The following RBMS1 variants were observed in gnomAD, a reference collection of about 807,000 sequenced individuals.
RBMS1 encodes RNA-binding motif, single-stranded-interacting protein 1.
Under a neutral mutation model 62.3 loss-of-function variants are expected in RBMS1, and 17 were observed. The ratio of observed to expected loss-of-function variants is 0.27; its 90% CI spans 0.19 to 0.41. The LOEUF (loss-of-function observed/expected upper bound fraction) is 0.41, where lower values mean the gene tolerates loss of function less well. Among genes scored for constraint, RBMS1 ranks in the 10% least tolerant of loss-of-function variants. RBMS1 has a pLI of 1.00. For missense variants in RBMS1, 334 were observed against 504.5 expected (o/e 0.66, Z 3.24); for synonymous variants, 172 against 170.0 (o/e 1.01, Z -0.09).
intron 6 of RBMS1, among the ~76,000 whole-genome samples, chr2:160,298,125 A>T (rs1021009982): frequency 2.0e-5 from 3 of 152,220 alleles, no homozygotes; most frequent in African/African-American, 7.2e-5. Context: ...GAGAAGGTAG[A>T]TTCTAGAAAT....
intron 1 of RBMS1, among the ~76,000 whole-genome samples, chr2:160,491,093 C>T (rs1483718765): frequency 2.1e-5 from 2 of 96,444 alleles, no homozygotes; most frequent in Non-Finnish European, 4.1e-5. Context: ...ATGCTACCAA[C>T]AGATACATAA....
intron 5 of RBMS1, among the ~76,000 whole-genome samples, chr2:160,300,967 AGT>A (rs1689178757): frequency 6.6e-6 from 1 of 152,248 alleles, no homozygotes; most frequent in African/African-American, 2.4e-5. Flanking sequence ...GAATCTACTG[AGT>A]GTTTAAGATC....
chr2:160,461,036 A>G (rs1265729851), intron 1 of RBMS1, among the ~76,000 whole-genome samples: 1 of 152,200 alleles, frequency 6.6e-6, no homozygotes. Flanking sequence ...AGGCTGGAGG[A>G]TCACTTAAAG....
intron 2 of RBMS1, among the ~76,000 whole-genome samples, chr2:160,321,476 TTGTG>T (rs949389320): frequency 6.6e-5 from 10 of 152,340 alleles, no homozygotes; most frequent in Admixed American, 1.3e-4. Flanking sequence ...CAGTTCTTCC[TTGTG>T]TGTGTATGTG....
intron 1 of RBMS1, among the ~76,000 whole-genome samples, chr2:160,383,777 T>C (rs537653051): frequency 6.6e-6 from 1 of 152,328 alleles, no homozygotes; most frequent in East Asian, 1.9e-4. Context: ...AGCCACTACG[T>C]TGTAATACCA....
chr2:160,281,287 A>T, intron 10 of RBMS1, 27 bp downstream of exon 10: 1 of 1,568,980 alleles, frequency 6.4e-7, no homozygotes, highest in Non-Finnish European at 8.7e-7. Context: ...CTTGTAAAAC[A>T]CAAAGTCATT....
chr2:160,422,845 C>T (rs1047016839), intron 1 of RBMS1, among the ~76,000 whole-genome samples: 5 of 152,162 alleles, frequency 3.3e-5, no homozygotes, highest in African/African-American at 9.7e-5. Flanking sequence ...TTAGTTATAC[C>T]TTTACTGCTG....
At chr2:160,381,748 G>A (rs1289990453) in intron 1 of RBMS1, among the ~76,000 whole-genome samples, 1 of 152,170 alleles carries the variant, frequency 6.6e-6, no homozygotes, top group Non-Finnish European at 1.5e-5. Context: ...TCTATGTCAT[G>A]GTTACTAAAC....
At chr2:160,300,572 A>G (rs1401433070) in intron 6 of RBMS1, 79 bp downstream of exon 6, 41 of 1,458,086 alleles carry the variant, frequency 2.8e-5, no homozygotes, top group African/African-American at 7.3e-5. Context: ...TTTTTGTTCT[A>G]TTGAAGAGTC....
At chr2:160,309,107 A>G (rs993058085) in intron 4 of RBMS1, among the ~76,000 whole-genome samples, 2 of 152,192 alleles carry the variant, frequency 1.3e-5, no homozygotes, top group African/African-American at 4.8e-5. Flanking sequence ...CCACCTAAAG[A>G]CAGCCTGAAA....
intron 1 of RBMS1, among the ~76,000 whole-genome samples, chr2:160,453,320 G>T (rs1342932901): frequency 6.6e-6 from 1 of 152,054 alleles, no homozygotes; most frequent in Non-Finnish European, 1.5e-5. Flanking sequence ...CTCTAAAAGG[G>T]AGGATCCTTC....
intron 1 of RBMS1, among the ~76,000 whole-genome samples, chr2:160,427,797 T>A (rs1370363056): frequency 6.6e-6 from 1 of 152,206 alleles, no homozygotes; most frequent in African/African-American, 2.4e-5. Context: ...CAGGATTATG[T>A]TCTAGGCAAG....
chr2:160,275,483 A>G (rs552473229), intron 13 of RBMS1, 147 bp downstream of exon 13: 3 of 1,328,760 alleles, frequency 2.3e-6, no homozygotes, highest in Admixed American at 5.2e-5. Flanking sequence ...ACTGATTTTA[A>G]TATTTCAACA....
intron 1 of RBMS1, among the ~76,000 whole-genome samples, chr2:160,473,899 A>G (rs1038875100): frequency 5.3e-5 from 8 of 152,106 alleles, no homozygotes; most frequent in Admixed American, 5.2e-4. Flanking sequence ...TATATGAAAA[A>G]CTTTTTTGAT....
chr2:160,378,483 T>A (rs945617764), intron 1 of RBMS1, among the ~76,000 whole-genome samples: 3 of 152,012 alleles, frequency 2.0e-5, no homozygotes, highest in Non-Finnish European at 2.9e-5. Context: ...GGTGTGGTGG[T>A]TCACACCTGT....
intron 2 of RBMS1, among the ~76,000 whole-genome samples, chr2:160,360,896 A>C (rs778073054): frequency 6.6e-6 from 1 of 152,234 alleles, no homozygotes; most frequent in East Asian, 1.9e-4. Flanking sequence ...CAAAAGCACA[A>C]GGAAAACTTA....
chr2:160,439,355 A>G (rs1160226619), intron 1 of RBMS1, among the ~76,000 whole-genome samples: 1 of 149,500 alleles, frequency 6.7e-6, no homozygotes. Context: ...GTTGCCAGGC[A>G]GAGGGTCTCC....
intron 2 of RBMS1, among the ~76,000 whole-genome samples, chr2:160,349,779 T>C (rs1360693380): frequency 7.0e-6 from 1 of 143,606 alleles, no homozygotes; most frequent in African/African-American, 2.6e-5. Context: ...AAGCAAATTA[T>C]ACAATATGTT....
At chr2:160,398,527 G>T (rs2105226855) in intron 1 of RBMS1, among the ~76,000 whole-genome samples, 1 of 152,264 alleles carries the variant, frequency 6.6e-6, no homozygotes, top group South Asian at 2.1e-4. Flanking sequence ...TTCACTAGGG[G>T]TGTGTGATTA....
Sources: gnomAD v4.1 joint callset for allele counts (sites outside exome capture counted in the v4.1 genomes callset) on GRCh38, gnomAD v4.1.1 for gene constraint, MANE v1.5 for transcripts, NCBI Gene and HGNC (gene_info 2026-07-23, HGNC 2026-07-21) for gene names.